Variants in PEX11A observed in about 807,000 individuals in gnomAD.
PEX11A encodes the protein peroxisomal membrane protein 11A.
PEX11A carries 13 observed loss-of-function variants against 14.4 expected under a neutral mutation model. That is an observed-to-expected ratio of 0.90 (90% CI 0.59 to 1.43). PEX11A has a LOEUF of 1.43. PEX11A is among the 40% of genes most tolerant of loss of function. The probability of loss-of-function intolerance (pLI) is 0.00; values close to 1 mark genes in which losing one functional copy is unlikely to be tolerated. For synonymous variants in PEX11A, 101 were observed against 113.0 expected (o/e 0.89, Z 0.67); for missense variants, 290 against 302.8 (o/e 0.96, Z 0.31).
chr15:89,690,195 C>T (rs570669969), intron 1 of PEX11A, among the ~76,000 whole-genome samples: 9 of 152,320 alleles, frequency 5.9e-5, no homozygotes, highest in African/African-American at 1.9e-4. Flanking sequence ...AATACTAATC[C>T]AAAGTTTCTC....
chr15:89,686,146 T>G (rs536045645), intron 2 of PEX11A, among the ~76,000 whole-genome samples: 1 of 152,342 alleles, frequency 6.6e-6, no homozygotes, highest in African/African-American at 2.4e-5. Context: ...CATACTATGA[T>G]TCTAAGAACT....
At position 89,690,733 on chromosome 15, in the gene PEX11A, AG is replaced by A. The variant is rs1411374782; in HGVS notation, c.-102del. On this transcript the variant is annotated 5_prime_UTR_variant, in exon 1 of 3. Coordinates refer to ENST00000300056, the MANE Select transcript of PEX11A (RefSeq NM_003847.3). ...ACGGTCAGTCCCAGGTTATCCGCTG[AG>A]GGGGAGGGGCTGAGTCTCTCCGCCC... 6.6e-5 allele frequency: 53 copies of A among 804,578 alleles called. No homozygotes were observed. The South Asian group carries it at 8.3e-4, about 13-fold the overall frequency. 49.8% of individuals were successfully genotyped at this position (804,578 alleles called of 1,614,324 possible). A position where few individuals can be genotyped will look rare whatever the true frequency, so the allele number is the denominator to read the frequency against.
chr15:89,684,261 A>G (rs138768768), intron 2 of PEX11A, among the ~76,000 whole-genome samples: 241 of 152,338 alleles, frequency 1.6e-3, no homozygotes, highest in African/African-American at 5.5e-3. Context: ...TCAGAAAAAG[A>G]GAAAGATTTT....
At chr15:89,690,285 G>A (rs1306078833) in intron 1 of PEX11A, among the ~76,000 whole-genome samples, 2 of 152,246 alleles carry the variant, frequency 1.3e-5, no homozygotes, top group African/African-American at 4.8e-5. Flanking sequence ...TAGGAGGGGA[G>A]GAGGATCTGT....
At chr15:89,686,176 G>A (rs1260285822) in intron 2 of PEX11A, among the ~76,000 whole-genome samples, 2 of 152,180 alleles carry the variant, frequency 1.3e-5, no homozygotes, top group Non-Finnish European at 2.9e-5. Context: ...CTAACACGTT[G>A]TCTGTCTCAC....
intron 1 of PEX11A, among the ~76,000 whole-genome samples, chr15:89,686,919 C>G (rs1040398544): frequency 7.0e-6 from 1 of 142,754 alleles, no homozygotes; most frequent in African/African-American, 2.6e-5. Context: ...AGATTTCTTT[C>G]TTTGTTTTTT....
intron 1 of PEX11A, among the ~76,000 whole-genome samples, chr15:89,689,611 GAC>G (rs1284431620): frequency 6.6e-6 from 1 of 152,184 alleles, no homozygotes; most frequent in Non-Finnish European, 1.5e-5. Flanking sequence ...AAGAAAAAGA[GAC>G]ACAATCTCTG....
rs1964616281 is a variant in PEX11A at position 89,682,683 on chromosome 15, GCTT to G, written c.*691_*693del. ...CAGTTTTTTGTTTGTCTCACTGTCA[GCTT>G]CTTATCTGTCACAGGCTACATATAG... On this transcript the variant is annotated 3_prime_UTR_variant, in exon 3 of 3. Transcript: ENST00000300056. 1 of 152,216 alleles carries G rather than the reference GCTT, an allele frequency of 6.6e-6. No homozygotes were observed. Among genetic ancestry groups the G allele is most frequent in the Admixed American group, 6.5e-5 (1 of 15,270 alleles). 9.4% of individuals were successfully genotyped at this position (152,216 alleles called of 1,614,324 possible).
At chr15:89,689,708 C>T (rs1411502973) in intron 1 of PEX11A, among the ~76,000 whole-genome samples, 1 of 152,220 alleles carries the variant, frequency 6.6e-6, no homozygotes, top group African/African-American at 2.4e-5. Context: ...TCCCCCCAAT[C>T]CAGTTGGTGT....
chr15:89,684,088 T>C (rs907497460), intron 2 of PEX11A, 140 bp from the exon 3 acceptor site: 3 of 622,926 alleles, frequency 4.8e-6, no homozygotes, highest in East Asian at 5.5e-5. Flanking sequence ...CCGGCTGGAG[T>C]GCAGCGGCAC....
Position 89,683,915 on chromosome 15 carries a change from TG to T in PEX11A, c.205del (p.Gln69ArgfsTer18). On this transcript the variant is annotated frameshift_variant, in exon 3 of 3. Transcript: ENST00000300056. LOFTEE classifies it high-confidence loss of function. ...FRLGNVVHAI[Q>X]ATEQSIHATD... ...GGCATGAATGCTCTGCTCAGTTGCCTGTATAGCATGTACCACATTGCCTAGT... is the reference window on the plus strand; with the variant it reads ...GGCATGAATGCTCTGCTCAGTTGCCTTATAGCATGTACCACATTGCCTAGT... The T allele has an allele frequency of 6.2e-7, 1 of 1,613,684 alleles. No homozygotes were observed. Among genetic ancestry groups the T allele is most frequent in the Non-Finnish European group, 8.5e-7 (1 of 1,179,666 alleles).
rs1475013765 is a variant in PEX11A, at chr15:89,683,597, T to C, written c.524A>G (p.Glu175Gly). The C allele has an allele frequency of 4.3e-6, 7 of 1,614,166 alleles. No individual in the cohort carries two copies. The highest frequency in any genetic ancestry group is 5.9e-6 in the Non-Finnish European group (7 of 1,179,982). Residue 175 changes from glutamate to glycine, a missense_variant, in exon 3 of 3, where the codon GAA (glutamate) becomes GGA (glycine). Glu to Gly is a moderately conservative substitution (Grantham distance 98). Transcript: ENST00000300056. ...AAGAAGTAGAAAGGATTGGAGCCAT[T>C]CTGTTTCCTCCTCAGCCACGCTGAA... ...LWFSVAEEETEWLQSFLLLLF... is the reference protein window; with the variant it reads ...LWFSVAEEETGWLQSFLLLLF...
At chr15:89,690,083 G>C (rs763605169) in intron 1 of PEX11A, among the ~76,000 whole-genome samples, 8 of 152,046 alleles carry the variant, frequency 5.3e-5, no homozygotes, top group Non-Finnish European at 1.0e-4. Context: ...AGTGGGCCGA[G>C]ACCGCGCCAC....
rs141631225 is a variant in PEX11A, at chr15:89,686,580, T to C, written c.57-34A>G. The C allele has an allele frequency of 1.1e-3, 1,029 of 928,092 alleles. 11 individuals carry two copies. The African/African-American group carries it at 0.015, about 14-fold the overall frequency. The allele number at this position is 928,092 out of a possible 1,614,324, so 57.5% of individuals were successfully genotyped here. On this transcript the variant is annotated intron_variant, in intron 1 of 2. Transcript: ENST00000300056. The stretch of plus-strand genomic sequence containing the variant: ...GAAAAAAAAAAATTGAGAAGAATGA[T>C]TTACAAACCAAATAAAACTTAATTC...
chr15:89,684,320 G>A (rs1964646212), intron 2 of PEX11A, among the ~76,000 whole-genome samples: 1 of 152,214 alleles, frequency 6.6e-6, no homozygotes, highest in African/African-American at 2.4e-5. Context: ...AAAAAATACA[G>A]TGACTCTTTA....
intron 2 of PEX11A, 119 bp downstream of exon 2, chr15:89,686,312 C>T: frequency 1.6e-6 from 1 of 614,590 alleles, no homozygotes; most frequent in Middle Eastern, 2.6e-4. Flanking sequence ...TGGTCAATTT[C>T]ACCAATAAAC....
intron 1 of PEX11A, among the ~76,000 whole-genome samples, chr15:89,689,246 C>G (rs898832019): frequency 6.6e-6 from 1 of 152,142 alleles, no homozygotes; most frequent in African/African-American, 2.4e-5. Flanking sequence ...CATTGTAGTA[C>G]CTATTAACCT....
Position 89,683,734 on chromosome 15 carries a change from A to G in PEX11A, c.387T>C (p.Tyr129=). ...WRTRAAHHYY[Y]SLLLSLVRDL... ...CCCTGACCAGGCTCAGCAGAAGAGA[A>G]TAGTAGTAGTGGTGAGCAGCCCTCG... Residue 129 remains tyrosine (Y), a synonymous_variant, in exon 3 of 3, where the codon TAT becomes TAC. Transcript: ENST00000300056. The G allele has an allele frequency of 6.2e-7, 1 of 1,614,036 alleles. No homozygotes were observed.
At chr15:89,685,276 T>C (rs1038734352) in intron 2 of PEX11A, among the ~76,000 whole-genome samples, 2 of 150,974 alleles carry the variant, frequency 1.3e-5, no homozygotes, top group African/African-American at 4.9e-5. Context: ...AGTAAAATAG[T>C]ATATGTAATG....
Sources: gnomAD v4.1 joint callset for allele counts (sites outside exome capture counted in the v4.1 genomes callset) on GRCh38, gnomAD v4.1.1 for gene constraint, MANE v1.5 for transcripts, NCBI Gene and HGNC (gene_info 2026-07-23, HGNC 2026-07-21) for gene names.